PCDH15: variants seen among roughly 807,000 people sequenced by gnomAD.
PCDH15 encodes the protein protocadherin-15.
PCDH15 carries 129 observed loss-of-function variants against 178.5 expected under a neutral mutation model. The observed-to-expected ratio is 0.72, with a 90% CI of 0.63 to 0.84. The LOEUF (loss-of-function observed/expected upper bound fraction) is 0.84, where lower values mean the gene tolerates loss of function less well. PCDH15 is among the 40% of genes least tolerant of loss of function. The probability of loss-of-function intolerance (pLI) is 0.00; values close to 1 mark genes in which losing one functional copy is unlikely to be tolerated. For synonymous variants in PCDH15, 800 were observed against 732.0 expected, an observed-to-expected ratio of 1.09 and a Z score of -1.50; for missense variants, 2,230 against 2,099.9, an observed-to-expected ratio of 1.06 and a Z score of -1.21.
At chr10:54,286,352 T>A (rs953745352) in intron 8 of PCDH15, among the ~76,000 whole-genome samples, 1 of 152,152 alleles carries the variant, frequency 6.6e-6, no homozygotes, top group African/African-American at 2.4e-5. Flanking sequence ...ACAAAATTTT[T>A]AAAAGTTAAT....
chr10:55,341,756 CATATGCATAT>C (rs1844563815), intron 2 of PCDH15, among the ~76,000 whole-genome samples: 1 of 76,940 alleles, frequency 1.3e-5, no homozygotes, highest in Admixed American at 1.5e-4. Flanking sequence ...TATATACATA[CATATGCATAT>C]ATATATATAT....
chr10:55,425,286 T>A (rs1282355119), intron 2 of PCDH15, among the ~76,000 whole-genome samples: 2 of 152,034 alleles, frequency 1.3e-5, no homozygotes, highest in Non-Finnish European at 2.9e-5. Context: ...ATTGACAATC[T>A]CTTTTGCTAA....
intron 3 of PCDH15, among the ~76,000 whole-genome samples, chr10:54,425,291 T>C (rs1168048784): frequency 6.6e-6 from 1 of 152,102 alleles, no homozygotes; most frequent in Admixed American, 6.5e-5. Context: ...TGGGTTATCT[T>C]GGGAAGGAAA....
chr10:55,091,445 T>G (rs539096682), intron 2 of PCDH15, among the ~76,000 whole-genome samples: 1 of 148,718 alleles, frequency 6.7e-6, no homozygotes, highest in African/African-American at 2.5e-5. Flanking sequence ...AAAATGCTAA[T>G]GCTATAGTAG....
rs181373201 is a variant in PCDH15 at position 53,870,518 on chromosome 10, T to C, written c.3502-3661A>G. Among the ~76,000 whole-genome samples, 383 of 152,334 alleles carry C rather than the reference T, an allele frequency of 2.5e-3. 1 individual carries two copies. Among genetic ancestry groups the C allele is most frequent in the African/African-American group, 8.5e-3 (354 of 41,574 alleles). On this transcript the variant is annotated intron_variant, in intron 26 of 37. Transcript: ENST00000644397. Reference sequence around the variant, plus strand: ...TTAGAGATCTTATTTCAGGAGATATTCATCAAAGATGATTGCCAGGATCAT... The same window carrying C: ...TTAGAGATCTTATTTCAGGAGATATCCATCAAAGATGATTGCCAGGATCAT...
At chr10:54,762,062 G>A (rs142672058) in intron 1 of PCDH15, among the ~76,000 whole-genome samples, 35 of 152,232 alleles carry the variant, frequency 2.3e-4, no homozygotes, top group African/African-American at 7.9e-4. Flanking sequence ...TTACCATAAA[G>A]TGAGAACTCA....
At chr10:54,149,859 T>C (rs2044348143) in intron 14 of PCDH15, among the ~76,000 whole-genome samples, 1 of 152,128 alleles carries the variant, frequency 6.6e-6, no homozygotes, top group Non-Finnish European at 1.5e-5. Context: ...ATAACCAAAG[T>C]GGCAGCAGTT....
chr10:53,893,955 T>C (rs189095287), intron 26 of PCDH15, among the ~76,000 whole-genome samples: 1 of 152,114 alleles, frequency 6.6e-6, no homozygotes, highest in African/African-American at 2.4e-5. Flanking sequence ...TTGCTAAACT[T>C]TTTTTAAAAC....
chr10:54,356,211 A>G (rs1420957392), intron 5 of PCDH15, among the ~76,000 whole-genome samples: 1 of 152,106 alleles, frequency 6.6e-6, no homozygotes, highest in Non-Finnish European at 1.5e-5. Context: ...CTATGATAAA[A>G]ACAGTATCAT....
intron 1 of PCDH15, among the ~76,000 whole-genome samples, chr10:54,676,236 C>A (rs2094787410): frequency 6.6e-6 from 1 of 151,728 alleles, no homozygotes; most frequent in South Asian, 2.1e-4. Flanking sequence ...AAAATAAGAA[C>A]CAAATCTCAG....
chr10:55,164,607 C>A (rs572529914), intron 2 of PCDH15, among the ~76,000 whole-genome samples: 1 of 151,888 alleles, frequency 6.6e-6, no homozygotes, highest in South Asian at 2.1e-4. Context: ...TTTCATAATT[C>A]ATGCTCTTGT....
At chr10:54,557,683 C>T (rs918238598) in intron 2 of PCDH15, among the ~76,000 whole-genome samples, 2 of 152,050 alleles carry the variant, frequency 1.3e-5, no homozygotes, top group South Asian at 2.1e-4. Flanking sequence ...TAATATTGGC[C>T]TGTCAGGATG....
At chr10:54,492,902 A>G (rs917052537) in intron 3 of PCDH15, among the ~76,000 whole-genome samples, 1 of 152,170 alleles carries the variant, frequency 6.6e-6, no homozygotes. Context: ...TAATGGACTT[A>G]CAGTTCCACA....
At chr10:54,576,154 CCTACCTAT>C (rs2090461138) in intron 2 of PCDH15, among the ~76,000 whole-genome samples, 1 of 146,842 alleles carries the variant, frequency 6.8e-6, no homozygotes, top group African/African-American at 2.7e-5. Context: ...TATCTATCTA[CCTACCTAT>C]CTATCTATAT....
chr10:54,215,293 T>G (rs1017400076), intron 9 of PCDH15, among the ~76,000 whole-genome samples: 1 of 152,170 alleles, frequency 6.6e-6, no homozygotes, highest in African/African-American at 2.4e-5. Flanking sequence ...ACTACTTATT[T>G]TCCTCAACTC....
intron 8 of PCDH15, among the ~76,000 whole-genome samples, chr10:54,250,784 C>T (rs1290843123): frequency 1.3e-5 from 2 of 152,024 alleles, no homozygotes; most frequent in Admixed American, 6.6e-5. Context: ...AAGAAAAGAC[C>T]ATGTAATTGC....
At chr10:54,022,701 C>A (rs1462559505) in intron 19 of PCDH15, among the ~76,000 whole-genome samples, 191 bp downstream of exon 19, 1 of 151,998 alleles carries the variant, frequency 6.6e-6, no homozygotes, top group Non-Finnish European at 1.5e-5. Flanking sequence ...TTTGGGATAT[C>A]TTTAAAGTAG....
At chr10:54,392,934 A>G (rs1181632600) in intron 3 of PCDH15, among the ~76,000 whole-genome samples, 1 of 151,770 alleles carries the variant, frequency 6.6e-6, no homozygotes, top group African/African-American at 2.4e-5. Flanking sequence ...TTGCTGCAAC[A>G]TGAGAAAGCT....
intron 2 of PCDH15, among the ~76,000 whole-genome samples, chr10:55,128,734 A>G (rs1400262745): frequency 6.6e-6 from 1 of 151,890 alleles, no homozygotes; most frequent in Non-Finnish European, 1.5e-5. Context: ...CATTCACTTG[A>G]CAAACAATTT....
Sources: gnomAD v4.1 joint callset for allele counts (sites outside exome capture counted in the v4.1 genomes callset) on GRCh38, gnomAD v4.1.1 for gene constraint, MANE v1.5 for transcripts, NCBI Gene and HGNC (gene_info 2026-07-23, HGNC 2026-07-21) for gene names.